NEB: variants seen among roughly 807,000 people sequenced by gnomAD.
NEB encodes the protein nemaline myopathy type 2.
NEB carries 512 observed loss-of-function variants against 952.2 expected under a neutral mutation model. The ratio of observed to expected loss-of-function variants is 0.54; its 90% CI spans 0.50 to 0.58. NEB has a LOEUF of 0.58. Ranked by LOEUF, NEB falls within the 20% of genes least tolerant of loss-of-function variation. The pLI, the probability that NEB is intolerant of heterozygous loss-of-function variation, is 0.00. For missense variants in NEB, 8,428 were observed against 9,231.1 expected, an observed-to-expected ratio of 0.91 and a Z score of 3.56; for synonymous variants, 2,900 against 3,149.8, an observed-to-expected ratio of 0.92 and a Z score of 2.66.
In NEB at chr2:151,717,568, C is replaced by T. The variant is rs375573462; in HGVS notation, c.718-48G>A. ...TGTATTTTAAAAACGATTATGCTTT[C>T]ATCTTTATTTGAAGTCTTAAATTTT... On this transcript the variant is annotated intron_variant, in intron 9 of 181. Coordinates refer to ENST00000397345, the MANE Select transcript of NEB (RefSeq NM_001164508.2). 2.2e-6 allele frequency: 3 copies of T among 1,367,560 alleles called. No homozygotes were observed. The African/African-American group carries it at 4.3e-5, about 19-fold the overall frequency. 84.7% of individuals were successfully genotyped at this position (1,367,560 alleles called of 1,614,324 possible).
intron 10 of NEB, chr2:151,716,151 T>A (rs1448395194): frequency 2.3e-6 from 1 of 440,076 alleles, no homozygotes; most frequent in Non-Finnish European, 4.5e-6. Context: ...TCTTTTTTTC[T>A]CTTTTTGAGA....
At chr2:151,493,328 ATTTC>A in intron 176 of NEB, 21 bp downstream of exon 176, 1 of 1,538,700 alleles carries the variant, frequency 6.5e-7, no homozygotes. Flanking sequence ...TTGTTGCACT[ATTTC>A]TTTTTAGTCC....
chr2:151,565,642 A>G (rs1303753779), intron 115 of NEB, 37 bp from the exon 116 acceptor site: 1 of 1,563,134 alleles, frequency 6.4e-7, no homozygotes, highest in African/African-American at 1.3e-5. Flanking sequence ...CAGGTCTACC[A>G]CCACAGGTTA....
Position 151,570,254 on chromosome 2 carries a change from T to C in NEB, c.17257A>G (p.Lys5753Glu). 6.2e-7 allele frequency: 1 copy of C among 1,613,836 alleles called. No individual in the cohort carries two copies. The highest frequency in any genetic ancestry group is 1.1e-5 in the South Asian group (1 of 91,054). ...GGGCTCTGGATCTTGGCCTTCCATT[T>C]GGCCCAGTCCAGCCGGTACTCTCGT... ...NEREYRLDWAKWKAKIQSPVD... is the reference protein window; with the variant it reads ...NEREYRLDWAEWKAKIQSPVD... Residue 5753 changes from lysine (K) to glutamate (E), a missense_variant, in exon 109 of 182, where the codon AAA (lysine) becomes GAA (glutamate). Lys to Glu is a moderately conservative substitution (Grantham distance 56). Transcript: ENST00000397345.
rs1559040467 is a variant in NEB, at chr2:151,667,931, AT to A, written c.4612-21del. On this transcript the variant is annotated intron_variant, in intron 39 of 181. Coordinates refer to ENST00000397345, the MANE Select transcript of NEB (RefSeq NM_001164508.2). ...ATGAGCCTTCAAAAAAGTAGAGGTT[AT>A]TTTATTATTTGACATCATTAAAAGA... The A allele has an allele frequency of 6.3e-7, 1 of 1,577,090 alleles. No homozygotes were observed. The highest frequency in any genetic ancestry group is 1.1e-5 in the South Asian group (1 of 87,804).
chr2:151,690,492 C>A, intron 24 of NEB: 1 of 414,302 alleles, frequency 2.4e-6, no homozygotes, highest in Non-Finnish European at 4.5e-6. Flanking sequence ...TAAGATAGTC[C>A]TACTAAAAAT....
At position 151,492,206 on chromosome 2, in the gene NEB, C is replaced by T. The variant is rs1341580706; in HGVS notation, c.24949G>A (p.Val8317Ile). The T allele has an allele frequency of 6.2e-7, 1 of 1,613,814 alleles. No homozygotes were observed. Among genetic ancestry groups the T allele is most frequent in the Non-Finnish European group, 8.5e-7 (1 of 1,179,840 alleles). The change falls in exon 178 of 182, where the codon GTA becomes ATA. Residue 8317 changes from valine to isoleucine, a missense_variant. Transcript: ENST00000397345. ...CTGAAGTCCTGCATGTTCTTCTTTA[C>T]TCGTTCAGTGATAGGATCTGTCACC... ...PVVTDPITER[V>I]KKNMQDFSDI...
intron 137 of NEB, 78 bp from the exon 138 acceptor site, chr2:151,540,526 G>T: frequency 1.7e-6 from 2 of 1,199,968 alleles, no homozygotes; most frequent in Non-Finnish European, 2.4e-6. Context: ...CAGGTCTTGT[G>T]GAGGGGCACA....
Position 151,727,806 on chromosome 2 carries a change from G to GAGA in NEB, c.178_179insTCT (p.Pro60delinsLeuSer). ...CCTCTCCACCGGCTTTGCTGATGCT[G>GAGA]GCTGTGCCAGTGCTGGCTGTGCCAG... is the stretch of plus-strand genomic sequence containing the variant. On this transcript the variant is annotated protein_altering_variant, in exon 5 of 182. Coordinates refer to ENST00000397345, the MANE Select transcript of NEB (RefSeq NM_001164508.2). 6.3e-7 allele frequency: 1 copy of GAGA among 1,599,126 alleles called. No individual in the cohort carries two copies. Among genetic ancestry groups the GAGA allele is most frequent in the Non-Finnish European group, 8.5e-7 (1 of 1,174,004 alleles).
intron 107 of NEB, among the ~76,000 whole-genome samples, chr2:151,573,857 G>GT (rs963969809): frequency 5.0e-4 from 75 of 150,024 alleles, no homozygotes; most frequent in African/African-American, 1.2e-3. Flanking sequence ...CTCACAAATA[G>GT]TTTTTTTTTT....
intron 84 of NEB, among the ~76,000 whole-genome samples, chr2:151,605,412 G>A (rs1313301941): frequency 9.5e-6 from 1 of 105,710 alleles, no homozygotes; most frequent in African/African-American, 2.6e-5. Context: ...GTAGGGAGAG[G>A]TCATACGTGT....
chr2:151,685,651 A>T (rs984232865), intron 27 of NEB, among the ~76,000 whole-genome samples: 1 of 152,186 alleles, frequency 6.6e-6, no homozygotes, highest in African/African-American at 2.4e-5. Context: ...TTATAAACCA[A>T]ATGTCCTGGC....
chr2:151,664,117 A>G (rs1461859276), intron 44 of NEB, among the ~76,000 whole-genome samples: 2 of 152,178 alleles, frequency 1.3e-5, no homozygotes, highest in African/African-American at 4.8e-5. Flanking sequence ...GAGATTTAGA[A>G]AGCAGATTTC....
chr2:151,644,647 G>T, intron 55 of NEB, 72 bp from the exon 56 acceptor site: 1 of 1,287,784 alleles, frequency 7.8e-7, no homozygotes, highest in Non-Finnish European at 1.1e-6. Flanking sequence ...GATCAAATGT[G>T]CTAAATATTT....
At chr2:151,729,706 C>T (rs1413107784) in intron 3 of NEB, 50 bp from the exon 4 acceptor site, 1 of 1,585,994 alleles carries the variant, frequency 6.3e-7, no homozygotes, top group Non-Finnish European at 8.7e-7. Flanking sequence ...GCAGAAACCA[C>T]CTCTCCTCTG....
intron 172 of NEB, among the ~76,000 whole-genome samples, chr2:151,496,723 A>AATG (rs373115276): frequency 6.6e-6 from 1 of 152,176 alleles, no homozygotes; most frequent in South Asian, 2.1e-4. Flanking sequence ...ATTTTTAAAA[A>AATG]ATGATTGAAA....
At position 151,643,369 on chromosome 2, in the gene NEB, A is replaced by G. The variant is rs1480423675; in HGVS notation, c.7957-16T>C. ...TGTACAAATTCTGAAAGTGCAAGTG[A>G]CAAATTTGTCATAATTAAATCATTT... On this transcript the variant is annotated splice_polypyrimidine_tract_variant and intron_variant, in intron 57 of 181. Coordinates refer to ENST00000397345, the MANE Select transcript of NEB (RefSeq NM_001164508.2). 1 of 1,583,052 alleles carries G rather than the reference A, an allele frequency of 6.3e-7. No homozygotes were observed. The highest frequency in any genetic ancestry group is 8.6e-7 in the Non-Finnish European group (1 of 1,158,710).
intron 135 of NEB, among the ~76,000 whole-genome samples, chr2:151,544,114 T>C (rs1400598119): frequency 1.3e-5 from 2 of 152,150 alleles, no homozygotes; most frequent in African/African-American, 4.8e-5. Flanking sequence ...CAAGCCTGGG[T>C]CATTCTTATG....
At chr2:151,560,753 T>C in intron 123 of NEB, 54 bp from the exon 124 acceptor site, 3 of 1,370,404 alleles carry the variant, frequency 2.2e-6, no homozygotes, top group Non-Finnish European at 3.1e-6. Context: ...CTGGTTAGCT[T>C]CTGAGTAGCA....
Sources: allele counts gnomAD v4.1 joint callset (sites outside exome capture counted in the v4.1 genomes callset), GRCh38; gene constraint gnomAD v4.1.1; transcripts MANE v1.5; gene names NCBI Gene and HGNC (gene_info 2026-07-23, HGNC 2026-07-21).